Variants in QKI observed in about 807,000 individuals in gnomAD.
QKI encodes KH domain-containing RNA-binding protein QKI.
In QKI, 10 loss-of-function variants were observed where a neutral mutation model predicts 39.0. The ratio of observed to expected loss-of-function variants is 0.26; its 90% CI spans 0.16 to 0.43. QKI has a LOEUF of 0.43. Among genes scored for constraint, QKI ranks in the 20% least tolerant of loss-of-function variants. QKI has a pLI of 1.00. For missense variants in QKI, 218 were observed against 428.0 expected (o/e 0.51, Z 4.33); for synonymous variants, 204 against 155.4 (o/e 1.31, Z -2.33).
intron 6 of QKI, chr6:163,564,946 G>C: frequency 7.5e-7 from 1 of 1,325,872 alleles, no homozygotes; most frequent in Non-Finnish European, 9.6e-7. Flanking sequence ...AATCTTTAAT[G>C]AACTGGAGAA....
intron 4 of QKI, among the ~76,000 whole-genome samples, chr6:163,538,984 G>A (rs1781359087): frequency 6.6e-6 from 1 of 152,216 alleles, no homozygotes. Context: ...GTTATAACAG[G>A]AATTAGGTGA....
chr6:163,477,818 T>G (rs567179253), intron 2 of QKI, among the ~76,000 whole-genome samples: 3 of 152,316 alleles, frequency 2.0e-5, no homozygotes, highest in Admixed American at 6.5e-5. Flanking sequence ...GTACCCAGCT[T>G]CTTAAGCCCT....
At chr6:163,421,933 C>A (rs1335211024) in intron 1 of QKI, among the ~76,000 whole-genome samples, 1 of 151,632 alleles carries the variant, frequency 6.6e-6, no homozygotes, top group Non-Finnish European at 1.5e-5. Flanking sequence ...TTAGTAGAGA[C>A]GGGGTTTCAC....
intron 3 of QKI, among the ~76,000 whole-genome samples, chr6:163,530,057 A>G (rs1030412845): frequency 1.3e-5 from 2 of 152,222 alleles, no homozygotes; most frequent in African/African-American, 2.4e-5. Context: ...GTGTTCTTCT[A>G]TGTTGCTGAA....
At chr6:163,553,676 G>C (rs188890858) in intron 4 of QKI, among the ~76,000 whole-genome samples, 1 of 151,986 alleles carries the variant, frequency 6.6e-6, no homozygotes, top group South Asian at 2.1e-4. Flanking sequence ...AGATTGTATC[G>C]TATTTAGCAT....
At position 163,430,583 on chromosome 6, in the gene QKI, C is replaced by T. The variant is rs565395634; in HGVS notation, c.142+15248C>T. ...GGAGGAATAGGTACATCTGGATTAG[C>T]GAGTGTGTGAATTCTTGAGCTGATG... On this transcript the variant is annotated intron_variant, in intron 1 of 7. Transcript: ENST00000361752. 3.9e-5 allele frequency among the ~76,000 whole-genome samples: 6 copies of T among 152,100 alleles called. No individual in the cohort carries two copies. The South Asian group carries it at 6.2e-4, about 16-fold the overall frequency.
rs1297051288 is a variant in QKI at position 163,496,654 on chromosome 6, T to C, written c.402+17758T>C. Among the ~76,000 whole-genome samples, 4 of 152,200 alleles carry C rather than the reference T, an allele frequency of 2.6e-5. No homozygotes were observed. The East Asian group carries it at 7.7e-4, about 29-fold the overall frequency. On this transcript the variant is annotated intron_variant, in intron 3 of 7. Coordinates refer to ENST00000361752, the MANE Select transcript of QKI (RefSeq NM_006775.3). Reference sequence around the variant, plus strand: ...GGCCCTACGTGGCCTTGTAGCTTGCTCCTCCCTAGAGTTTTCTACTCTTTG... The same window carrying C: ...GGCCCTACGTGGCCTTGTAGCTTGCCCCTCCCTAGAGTTTTCTACTCTTTG...
At chr6:163,564,901 T>TC in intron 6 of QKI, 1 of 1,375,966 alleles carries the variant, frequency 7.3e-7, no homozygotes, top group Non-Finnish European at 9.4e-7. Context: ...AGGTTTTTTT[T>TC]CCCCAGCATT....
chr6:163,461,038 TAGC>T (rs1791313487), intron 2 of QKI, among the ~76,000 whole-genome samples: 2 of 152,224 alleles, frequency 1.3e-5, no homozygotes, highest in South Asian at 4.1e-4. Flanking sequence ...AGTTTTAATT[TAGC>T]AGTGTGATTT....
chr6:163,563,076 T>C (rs1481200953), intron 5 of QKI, among the ~76,000 whole-genome samples: 1 of 152,262 alleles, frequency 6.6e-6, no homozygotes, highest in Non-Finnish European at 1.5e-5. Context: ...TTTTAACATC[T>C]GTTAATGCAA....
intron 3 of QKI, among the ~76,000 whole-genome samples, chr6:163,515,364 A>G (rs1272544329): frequency 1.3e-5 from 2 of 152,060 alleles, no homozygotes; most frequent in East Asian, 1.9e-4. Flanking sequence ...AAATTTCATT[A>G]TGTGTCAGTT....
At chr6:163,568,577 C>A (rs1783516514) in intron 7 of QKI, 4 of 977,760 alleles carry the variant, frequency 4.1e-6, no homozygotes, top group Non-Finnish European at 4.9e-6. Context: ...TGTCTGAAGT[C>A]CTTCACTTAA....
At chr6:163,480,349 G>A (rs999804740) in intron 3 of QKI, among the ~76,000 whole-genome samples, 1 of 151,930 alleles carries the variant, frequency 6.6e-6, no homozygotes, top group African/African-American at 2.4e-5. Flanking sequence ...GTGGTTAGCT[G>A]TGTTAGACCA....
intron 1 of QKI, among the ~76,000 whole-genome samples, chr6:163,421,640 A>G (rs184729833): frequency 5.0e-4 from 73 of 145,740 alleles, no homozygotes; most frequent in African/African-American, 1.5e-3. Context: ...ACAAATAGCT[A>G]TGTTTTTAAA....
chr6:163,512,834 A>T (rs976855687), intron 3 of QKI, among the ~76,000 whole-genome samples: 1 of 152,160 alleles, frequency 6.6e-6, no homozygotes, highest in Non-Finnish European at 1.5e-5. Flanking sequence ...ATTAAAAACT[A>T]AGAGTTGGCC....
At chr6:163,423,733 T>A (rs982493435) in intron 1 of QKI, 5 of 152,224 alleles carry the variant, frequency 3.3e-5, no homozygotes, top group African/African-American at 1.2e-4. Flanking sequence ...AAAGCCATTT[T>A]TAGAGGATTT....
intron 1 of QKI, 124 bp downstream of exon 1, chr6:163,415,459 G>A (rs1434425383): frequency 1.3e-5 from 12 of 930,190 alleles, no homozygotes; most frequent in Non-Finnish European, 1.4e-5. Context: ...GGGGGACTGG[G>A]AGGCCAGGAG....
chr6:163,425,214 T>C (rs1187114181), intron 1 of QKI, among the ~76,000 whole-genome samples: 2 of 152,122 alleles, frequency 1.3e-5, no homozygotes, highest in Non-Finnish European at 2.9e-5. Flanking sequence ...GTGGAGGATG[T>C]TCCAGGAGAA....
intron 3 of QKI, among the ~76,000 whole-genome samples, chr6:163,516,316 A>G (rs770730304): frequency 1.3e-5 from 2 of 151,976 alleles, no homozygotes; most frequent in African/African-American, 2.4e-5. Context: ...TTTTTTTGAG[A>G]CGGAGTCTGG....
Sources: gnomAD v4.1 joint callset for allele counts (sites outside exome capture counted in the v4.1 genomes callset) on GRCh38, gnomAD v4.1.1 for gene constraint, MANE v1.5 for transcripts, NCBI Gene and HGNC (gene_info 2026-07-23, HGNC 2026-07-21) for gene names.